Variants in LILRB4 observed in about 807,000 individuals in gnomAD.
The protein encoded by LILRB4 is leukocyte immunoglobulin like receptor B4.
In LILRB4, 49 loss-of-function variants were observed where a neutral mutation model predicts 55.2. The ratio of observed to expected loss-of-function variants is 0.89; its 90% CI spans 0.71 to 1.13. The LOEUF (loss-of-function observed/expected upper bound fraction) is 1.13, where lower values mean the gene tolerates loss of function less well. LILRB4 is among the 50% of genes most tolerant of loss of function. The pLI is 0.00. For missense variants in LILRB4, 590 were observed against 555.2 expected (o/e 1.06, Z -0.63); for synonymous variants, 229 against 213.8 (o/e 1.07, Z -0.62).
At position 54,663,328 on chromosome 19, in the gene LILRB4, C is replaced by T. The variant is rs2065091701; in HGVS notation, c.35-204C>T. ...GGGGGTGGTTGCAGGCGCCTGTGGTCCCAGCCACTCGGGAGGCTGAGGCAG... is the reference window on the plus strand; with the variant it reads ...GGGGGTGGTTGCAGGCGCCTGTGGTTCCAGCCACTCGGGAGGCTGAGGCAG... On this transcript the variant is annotated intron_variant, in intron 1 of 11. Coordinates refer to ENST00000430952, the Ensembl canonical transcript of LILRB4. Among the ~76,000 whole-genome samples the T allele has an allele frequency of 2.6e-5, 4 of 151,200 alleles. No homozygotes were observed. In the South Asian group the frequency reaches 8.3e-4, roughly 32 times the overall value.
chr19:54,663,548 C>G, exon 2 of LILRB4: 4 of 1,613,496 alleles, frequency 2.5e-6, no homozygotes, highest in Non-Finnish European at 3.4e-6. Flanking sequence ...GTCTGGGCCC[C>G]AGGACCCACA....
rs1044045850 is a variant in LILRB4 at position 54,664,015 on chromosome 19, A to AC, written c.337dup (p.Leu113ProfsTer11). The AC allele has an allele frequency of 5.5e-5, 89 of 1,613,716 alleles. No homozygotes were observed. The highest frequency in any genetic ancestry group is 7.1e-5 in the Non-Finnish European group (84 of 1,179,924). On this transcript the variant is annotated frameshift_variant, in exon 3 of 12. Coordinates refer to ENST00000430952, the Ensembl canonical transcript of LILRB4. LOFTEE classifies it high-confidence loss of function. ...CCTGTAGGCTGGTCACAGCCCAGTG[A>AC]CCCCCTGGAGCTGGTGATGACAGGT...
At chr19:54,667,381 T>C (rs1047606549) in intron 10 of LILRB4, 6 of 711,040 alleles carry the variant, frequency 8.4e-6, no homozygotes, top group Non-Finnish European at 1.4e-5. Flanking sequence ...GAAACAGCCG[T>C]GCAAAGGCCC....
chr19:54,663,384 T>A (rs1447167237), intron 1 of LILRB4, 148 bp from the exon 2 acceptor site: 1 of 1,240,268 alleles, frequency 8.1e-7, no homozygotes, highest in Non-Finnish European at 1.1e-6. Flanking sequence ...AGGCGGAGCT[T>A]GCAGTGAGCC....
At chr19:54,663,156 T>G in intron 1 of LILRB4, 89 bp downstream of exon 1, 1 of 1,480,312 alleles carries the variant, frequency 6.8e-7, no homozygotes, top group Non-Finnish European at 9.1e-7. Flanking sequence ...GACTCAAAAA[T>G]CTCAGGGTAG....
At position 54,663,572 on chromosome 19, in the gene LILRB4, G is replaced by T; in HGVS notation, c.70+5G>T. ...CCAGGACCCACATGCAGGCAGGTGA[G>T]TCTGTCCCCAGCTGTCCCAGGTCCC... On this transcript the variant is annotated splice_donor_5th_base_variant and intron_variant, in intron 2 of 11. Transcript: ENST00000430952. 2.5e-6 allele frequency: 4 copies of T among 1,613,356 alleles called. No individual in the cohort carries two copies. The highest frequency in any genetic ancestry group is 3.4e-6 in the Non-Finnish European group (4 of 1,180,000).
rs2065293113 is a variant in LILRB4, at chr19:54,666,830, C to T, written c.1041+81C>T. The T allele has an allele frequency of 2.2e-6, 3 of 1,355,784 alleles. No individual in the cohort carries two copies. In the South Asian group the frequency reaches 3.5e-5, roughly 16 times the overall value. The allele number at this position is 1,355,784 out of a possible 1,614,324, so 84.0% of individuals were successfully genotyped here. A position where few individuals can be genotyped will look rare whatever the true frequency, so the allele number is the denominator to read the frequency against. On this transcript the variant is annotated intron_variant, in intron 10 of 11. Coordinates refer to ENST00000430952, the Ensembl canonical transcript of LILRB4. The surrounding 1 kb of genome is among the most constrained non-coding windows in gnomAD (Gnocchi z 4.8). ...CTGCAGGACTTCTCTGTCCTCCTTCCCCCGGCTCTCAGCATCGTCACGGTG... is the reference window on the plus strand; with the variant it reads ...CTGCAGGACTTCTCTGTCCTCCTTCTCCCGGCTCTCAGCATCGTCACGGTG...
At chr19:54,664,384 TGACCTCAGTGCACGGGGG>T (rs1431059653) in exon 4 of LILRB4, 3 of 1,613,870 alleles carry the variant, frequency 1.9e-6, no homozygotes, top group Non-Finnish European at 2.5e-6. Flanking sequence ...ATGAGTCCTG[TGACCTCAGTGCACGGGGG>T]GACCTACAGG....
Position 54,665,364 on chromosome 19 carries a change from T to C in LILRB4, c.757+184T>C, listed in dbSNP as rs140545603. 0.01 allele frequency among the ~76,000 whole-genome samples: 1,528 copies of C among 152,078 alleles called. 17 individuals carry two copies. Among genetic ancestry groups the C allele is most frequent in the Non-Finnish European group, 0.015 (1,049 of 67,964 alleles). ...TGGGAAAGTTCCTTTCAGCTCTGAC[T>C]CCCAGCTGTGCCCTCCTGGGAGAGG... On this transcript the variant is annotated intron_variant, in intron 6 of 11. Transcript: ENST00000430952. The surrounding 1 kb of genome is among the most constrained non-coding windows in gnomAD (Gnocchi z 5.5).
At position 54,665,214 on chromosome 19, in the gene LILRB4, G is replaced by C; in HGVS notation, c.757+34G>C. ...GGGGCTCTGAGTGGGAGGTGGGCAG[G>C]GTCTAGGGGAGCCAAGGGTGGGTTC... On this transcript the variant is annotated intron_variant, in intron 6 of 11. Transcript: ENST00000430952. This position sits in a 1 kb window ranked among gnomAD's most constrained non-coding sequence, Gnocchi z 5.5. 9 of 1,569,756 alleles carry C rather than the reference G, an allele frequency of 5.7e-6. No individual in the cohort carries two copies. In the East Asian group the frequency reaches 7.1e-5, roughly 12 times the overall value.
rs73933937 is a variant in LILRB4, at chr19:54,664,344, G to A, written c.514G>A (p.Gly172Arg). The change falls in exon 4 of 12, where the codon GGA (glycine) becomes AGA (arginine). Residue 172 changes from glycine (G) to arginine (R), a missense_variant. By Grantham distance (125) the Gly-to-Arg change is moderately radical. Transcript: ENST00000430952. ...CCTACTGCATCTGAGATCAGAGCAC[G>A]GAGCTCAGCAGCACCAGGCTGAATT... The A allele has an allele frequency of 2.9e-3, 4,752 of 1,614,092 alleles. 88 individuals are homozygous for A. In the South Asian group the frequency reaches 0.029, roughly 10 times the overall value.
chr19:54,663,963 G>A (rs2065139011), exon 3 of LILRB4: 3 of 1,614,018 alleles, frequency 1.9e-6, no homozygotes, highest in Non-Finnish European at 2.5e-6. Context: ...GGACTATGCA[G>A]GGAGATACCG....
exon 3 of LILRB4, chr19:54,663,836 G>C (rs1423509274): frequency 6.2e-7 from 1 of 1,614,044 alleles, no homozygotes. Context: ...GGTGTCAGGG[G>C]ACCCTGGAGG....
Position 54,665,186 on chromosome 19 carries a change from T to C in LILRB4, c.757+6T>C. 1.3e-6 allele frequency: 2 copies of C among 1,591,760 alleles called. No individual in the cohort carries two copies. Among genetic ancestry groups the C allele is most frequent in the Non-Finnish European group, 1.7e-6 (2 of 1,167,836 alleles). ...AGGGTCAGTCCCCCACAGTGGTGAG[T>C]GAGGGGCTCTGAGTGGGAGGTGGGC... On this transcript the variant is annotated splice_donor_region_variant and intron_variant, in intron 6 of 11. Transcript: ENST00000430952. This position sits in a 1 kb window ranked among gnomAD's most constrained non-coding sequence, Gnocchi z 5.5.
At chr19:54,663,683 G>T (rs928682592) in intron 2 of LILRB4, 71 bp from the exon 3 acceptor site, 14 of 1,608,184 alleles carry the variant, frequency 8.7e-6, no homozygotes, top group Middle Eastern at 3.8e-4. Context: ...TGACGGGGGG[G>T]TCCTGGGGCT....
chr19:54,666,596 T>A lies in LILRB4; in HGVS notation c.989-101T>A, dbSNP rs2065275860. The A allele has an allele frequency of 6.9e-7, 1 of 1,441,556 alleles. No individual in the cohort carries two copies. The highest frequency in any genetic ancestry group is 9.6e-7 in the Non-Finnish European group (1 of 1,036,472). 89.3% of individuals were successfully genotyped at this position (1,441,556 alleles called of 1,614,324 possible). The stretch of plus-strand genomic sequence containing the variant: ...CCTCGGGGACATCACAGCCCCTCCC[T>A]GCGTTGCAGTGGCACTAATGGGAAC... On this transcript the variant is annotated intron_variant, in intron 9 of 11. Coordinates refer to ENST00000430952, the Ensembl canonical transcript of LILRB4. This position sits in a 1 kb window ranked among gnomAD's most constrained non-coding sequence, Gnocchi z 4.8.
At chr19:54,663,401 G>A (rs955002283) in intron 1 of LILRB4, 131 bp from the exon 2 acceptor site, 132 of 1,308,192 alleles carry the variant, frequency 1.0e-4, no homozygotes, top group Middle Eastern at 5.6e-4. Flanking sequence ...AGCCAAGATC[G>A]CACCACCGCA....
chr19:54,665,221 G>A lies in LILRB4; in HGVS notation c.757+41G>A. On this transcript the variant is annotated intron_variant, in intron 6 of 11. Coordinates refer to ENST00000430952, the Ensembl canonical transcript of LILRB4. This position sits in a 1 kb window ranked among gnomAD's most constrained non-coding sequence, Gnocchi z 5.5. ...TGAGTGGGAGGTGGGCAGGGTCTAG[G>A]GGAGCCAAGGGTGGGTTCTGTCCTA... 1 of 1,555,540 alleles carries A rather than the reference G, an allele frequency of 6.4e-7. No homozygotes were observed. The highest frequency in any genetic ancestry group is 8.7e-7 in the Non-Finnish European group (1 of 1,146,544).
Position 54,666,216 on chromosome 19 carries a change from G to T in LILRB4, c.875-24G>T, listed in dbSNP as rs566714640. The T allele has an allele frequency of 1.2e-4, 193 of 1,565,640 alleles. No individual in the cohort carries two copies. Among genetic ancestry groups the T allele is most frequent in the Non-Finnish European group, 1.5e-4 (175 of 1,158,372 alleles). Reference sequence around the variant, plus strand: ...AGGTGGTTCTAACGTTCCCAGAGCTGAGACTCTGTCCATCTTCCCCCAGCC... The same window carrying T: ...AGGTGGTTCTAACGTTCCCAGAGCTTAGACTCTGTCCATCTTCCCCCAGCC... On this transcript the variant is annotated intron_variant, in intron 7 of 11. Coordinates refer to ENST00000430952, the Ensembl canonical transcript of LILRB4. The surrounding 1 kb of genome is among the most constrained non-coding windows in gnomAD (Gnocchi z 4.8).
Sources: allele counts gnomAD v4.1 joint callset (sites outside exome capture counted in the v4.1 genomes callset), GRCh38; gene constraint gnomAD v4.1.1; non-coding constraint Gnocchi (gnomAD v3.1); transcripts MANE v1.5; gene names NCBI Gene and HGNC (gene_info 2026-07-23, HGNC 2026-07-21).